The following SLC45A4 variants were observed in gnomAD, a reference collection of about 807,000 sequenced individuals.
SLC45A4 encodes solute carrier family 45 member 4.
In SLC45A4, 32 loss-of-function variants were observed where a neutral mutation model predicts 63.7. That is an observed-to-expected ratio of 0.50 (90% CI 0.38 to 0.67). SLC45A4 has a LOEUF of 0.67. SLC45A4 is among the 30% of genes least tolerant of loss of function. The pLI is 0.00. For missense variants in SLC45A4, 1,027 were observed against 1,157.7 expected, an observed-to-expected ratio of 0.89 and a Z score of 1.64; for synonymous variants, 535 against 510.0, an observed-to-expected ratio of 1.05 and a Z score of -0.66.
At chr8:141,211,909 A>C in intron 8 of SLC45A4, 1 of 1,247,934 alleles carries the variant, frequency 8.0e-7, no homozygotes, top group Non-Finnish European at 1.0e-6. Flanking sequence ...TGCAGAATAA[A>C]AGAGCTGAAA....
intron 1 of SLC45A4, among the ~76,000 whole-genome samples, chr8:141,293,692 G>A (rs909549367): frequency 1.3e-5 from 2 of 152,128 alleles, no homozygotes; most frequent in Non-Finnish European, 2.9e-5. Flanking sequence ...TAACACTTTG[G>A]GAGGCCGAGG....
chr8:141,305,300 C>T (rs942460461), intron 1 of SLC45A4, among the ~76,000 whole-genome samples: 3 of 152,234 alleles, frequency 2.0e-5, no homozygotes, highest in African/African-American at 7.2e-5. Context: ...CTGCAGACGC[C>T]TGCTTTTGGG....
Position 141,293,108 on chromosome 8 carries a change from G to A in SLC45A4, c.-401+14988C>T, listed in dbSNP as rs529701474. On this transcript the variant is annotated intron_variant, in intron 1 of 8. Transcript: ENST00000517878. The stretch of plus-strand genomic sequence containing the variant: ...GGATGCGTGGGCCTACGTAATGCAC[G>A]CCAGCAGTTCACTGTGACTACAGCC... Among the ~76,000 whole-genome samples, 12 of 152,280 alleles carry A rather than the reference G, an allele frequency of 7.9e-5. No homozygotes were observed. The South Asian group carries it at 2.1e-3, about 26-fold the overall frequency.
intron 7 of SLC45A4, among the ~76,000 whole-genome samples, chr8:141,214,171 G>C (rs1056932601): frequency 7.0e-6 from 1 of 142,426 alleles, no homozygotes; most frequent in Non-Finnish European, 1.5e-5. Flanking sequence ...CAGCCTGGGC[G>C]ACAGATCGAG....
chr8:141,258,804 T>C (rs940231521), intron 1 of SLC45A4, among the ~76,000 whole-genome samples: 3 of 151,926 alleles, frequency 2.0e-5, no homozygotes, highest in Admixed American at 6.6e-5. Context: ...GGCAGAAGGA[T>C]TGTTTGAGCC....
rs1826288634 is a variant in SLC45A4, at chr8:141,218,095, G to A, written c.1545C>T (p.His515=). 6.2e-7 allele frequency: 1 copy of A among 1,612,836 alleles called. No individual in the cohort carries two copies. Among genetic ancestry groups the A allele is most frequent in the East Asian group, 2.2e-5 (1 of 44,866 alleles). The change falls in exon 5 of 9, where the codon CAC becomes CAT. Residue 515 remains histidine, a synonymous_variant. Transcript: ENST00000517878. ...CGATGACAGAGAACCAGGTGAGGAG[G>A]TGGCAGAGGCACAGCCGCATCAGCT... The part of the protein sequence containing the change: ...PRELMRLCLC[H]LLTWFSVIAE...
In SLC45A4 at chr8:141,274,186, G is replaced by A. The variant is rs1223737202; in HGVS notation, c.-400-19557C>T. Among the ~76,000 whole-genome samples the A allele has an allele frequency of 5.3e-5, 8 of 151,056 alleles. No homozygotes were observed. The East Asian group carries it at 9.7e-4, about 18-fold the overall frequency. On this transcript the variant is annotated intron_variant, in intron 1 of 8. Coordinates refer to ENST00000517878, the MANE Select transcript of SLC45A4 (RefSeq NM_001286646.2). ...AGAGTTTACAGTGAGCCGAGATCAC[G>A]CCACTGCGCTCCAGCCTGGGCAACA...
chr8:141,237,708 G>A (rs927472578), intron 2 of SLC45A4, among the ~76,000 whole-genome samples: 7 of 152,094 alleles, frequency 4.6e-5, no homozygotes, highest in African/African-American at 1.7e-4. Context: ...CCTGGAGCGA[G>A]TGCTCAGCAG....
At chr8:141,246,291 C>T (rs970652726) in intron 2 of SLC45A4, among the ~76,000 whole-genome samples, 1 of 152,176 alleles carries the variant, frequency 6.6e-6, no homozygotes, top group Non-Finnish European at 1.5e-5. Context: ...TGCACACCAC[C>T]CAGCGGCACC....
intron 1 of SLC45A4, among the ~76,000 whole-genome samples, chr8:141,289,382 A>G (rs766304574): frequency 6.6e-6 from 1 of 152,216 alleles, no homozygotes; most frequent in Admixed American, 6.5e-5. Context: ...CCTTCCATCT[A>G]TGACAGACAG....
In SLC45A4 at chr8:141,300,695, A is replaced by G. The variant is rs540719437; in HGVS notation, c.-401+7401T>C. Among the ~76,000 whole-genome samples the G allele has an allele frequency of 3.9e-5, 6 of 152,374 alleles. No individual in the cohort carries two copies. The East Asian group carries it at 1.2e-3, about 29-fold the overall frequency. The stretch of plus-strand genomic sequence containing the variant: ...CCTCTAGCAAATCTAAAGTCTGGCC[A>G]TGTCAGTCTTCTCTGCTTCTAACAC... On this transcript the variant is annotated intron_variant, in intron 1 of 8. Transcript: ENST00000517878.
intron 2 of SLC45A4, among the ~76,000 whole-genome samples, chr8:141,253,684 G>T (rs529535807): frequency 6.6e-6 from 1 of 152,198 alleles, no homozygotes; most frequent in South Asian, 2.1e-4. Context: ...CAGGGACAGC[G>T]GGAGAGGTGA....
chr8:141,232,132 GATT>G lies in SLC45A4; in HGVS notation c.242-10370_242-10368del, dbSNP rs199713964. On this transcript the variant is annotated intron_variant, in intron 2 of 8. Transcript: ENST00000517878. ...CAGGGGTGAAGCTGAGCCTCCAATG[GATT>G]ATATCATCTGCCTAAGCTCATACAG... Among the ~76,000 whole-genome samples the G allele has an allele frequency of 3.2e-3, 484 of 152,354 alleles. 4 individuals carry two copies. The highest frequency in any genetic ancestry group is 0.011 in the African/African-American group (465 of 41,586).
chr8:141,307,889 T>G, intron 1 of SLC45A4, among the ~76,000 whole-genome samples: 1 of 138,734 alleles, frequency 7.2e-6, no homozygotes, highest in South Asian at 2.4e-4. Context: ...CGGGAAGGAA[T>G]TGGGGGGCCC....
In SLC45A4 at chr8:141,261,515, T is replaced by C. The variant is rs543966788; in HGVS notation, c.-400-6886A>G. Among the ~76,000 whole-genome samples, 823 of 152,260 alleles carry C rather than the reference T, an allele frequency of 5.4e-3. 9 individuals carry two copies. Among genetic ancestry groups the C allele is most frequent in the African/African-American group, 0.018 (761 of 41,546 alleles). On this transcript the variant is annotated intron_variant, in intron 1 of 8. Coordinates refer to ENST00000517878, the MANE Select transcript of SLC45A4 (RefSeq NM_001286646.2). Reference sequence around the variant, plus strand: ...AAATCTCCTTAAGCTGATAAGCAACTTCAGCAAAGTCTCAGGATACAAAAT... The same window carrying C: ...AAATCTCCTTAAGCTGATAAGCAACCTCAGCAAAGTCTCAGGATACAAAAT...
intron 6 of SLC45A4, among the ~76,000 whole-genome samples, chr8:141,216,700 G>A (rs73713371): frequency 0.028 from 4,050 of 147,016 alleles, 179 homozygotes; most frequent in African/African-American, 0.095. Context: ...TGTCACCCCG[G>A]CCCCATCCCT....
At chr8:141,239,820 C>A (rs1205614116) in intron 2 of SLC45A4, among the ~76,000 whole-genome samples, 1 of 152,210 alleles carries the variant, frequency 6.6e-6, no homozygotes, top group East Asian at 1.9e-4. Context: ...GCAGGTGACT[C>A]AGTGCGGGGC....
In SLC45A4 at chr8:141,212,522, C is replaced by T; in HGVS notation, c.1976G>A (p.Gly659Glu). The T allele has an allele frequency of 6.2e-7, 1 of 1,610,564 alleles. No individual in the cohort carries two copies. The highest frequency in any genetic ancestry group is 8.5e-7 in the Non-Finnish European group (1 of 1,177,818). The change falls in exon 8 of 9, where the codon GGG becomes GAG. Residue 659 changes from glycine (G) to glutamate (E), a missense_variant. By Grantham distance (98) the Gly-to-Glu change is moderately conservative. Coordinates refer to ENST00000517878, the MANE Select transcript of SLC45A4 (RefSeq NM_001286646.2). ...IHHSPGNSKR[G>E]FGIDCAILSC... ...CAGGATGGCACAATCTATGCCAAAC[C>T]CTCGCTTGGAGTTCCCGGGGCTGTG...
At chr8:141,231,333 C>T (rs1278476426) in intron 2 of SLC45A4, among the ~76,000 whole-genome samples, 1 of 152,176 alleles carries the variant, frequency 6.6e-6, no homozygotes, top group Non-Finnish European at 1.5e-5. Flanking sequence ...ACACGCAGGT[C>T]CCCGTGAAGG....
Sources: allele counts gnomAD v4.1 joint callset (sites outside exome capture counted in the v4.1 genomes callset), GRCh38; gene constraint gnomAD v4.1.1; transcripts MANE v1.5; gene names NCBI Gene and HGNC (gene_info 2026-07-23, HGNC 2026-07-21).